Variants in SLC25A26 observed in about 807,000 individuals in gnomAD.
SLC25A26 encodes the protein mitochondrial S-adenosylmethionine carrier protein.
In SLC25A26, 36 loss-of-function variants were observed where a neutral mutation model predicts 37.8. The observed-to-expected ratio is 0.95, with a 90% confidence interval of 0.73 to 1.26. The LOEUF is 1.26. SLC25A26 is among the 50% of genes most tolerant of loss of function. The pLI, the probability that SLC25A26 is intolerant of heterozygous loss-of-function variation, is 0.00. For missense variants in SLC25A26, 390 were observed against 331.1 expected (o/e 1.18, Z -1.38); for synonymous variants, 129 against 122.5 (o/e 1.05, Z -0.35).
intron 1 of SLC25A26, among the ~76,000 whole-genome samples, chr3:66,228,291 A>G (rs146361268): frequency 2.8e-4 from 42 of 151,910 alleles, no homozygotes; most frequent in African/African-American, 9.4e-4. Flanking sequence ...TTCTTTTTTC[A>G]TTTTTCTTTC....
intron 6 of SLC25A26, among the ~76,000 whole-genome samples, chr3:66,355,151 T>C (rs922918759): frequency 2.6e-5 from 4 of 152,108 alleles, no homozygotes; most frequent in Admixed American, 1.3e-4. Context: ...ACCTAAATAT[T>C]ACTAAGCAAA....
At chr3:66,324,429 A>G (rs947199381) in intron 5 of SLC25A26, among the ~76,000 whole-genome samples, 3 of 152,116 alleles carry the variant, frequency 2.0e-5, no homozygotes, top group African/African-American at 7.2e-5. Flanking sequence ...CTTGAACACC[A>G]GTCTTAGGTC....
chr3:66,284,918 G>A (rs2074460052), intron 5 of SLC25A26, among the ~76,000 whole-genome samples: 1 of 151,952 alleles, frequency 6.6e-6, no homozygotes, highest in South Asian at 2.1e-4. Context: ...CAACATAAAA[G>A]GATAGGAAAG....
intron 5 of SLC25A26, among the ~76,000 whole-genome samples, chr3:66,269,896 C>G (rs939061172): frequency 1.3e-5 from 2 of 152,126 alleles, no homozygotes; most frequent in African/African-American, 4.8e-5. Context: ...TGTAAATCCT[C>G]TTGAAAACAG....
intron 1 of SLC25A26, among the ~76,000 whole-genome samples, chr3:66,143,742 G>C (rs1209450928): frequency 6.6e-6 from 1 of 152,066 alleles, no homozygotes; most frequent in South Asian, 2.1e-4. Flanking sequence ...AAATTAGCTG[G>C]GGGTGGTGGT....
intron 5 of SLC25A26, among the ~76,000 whole-genome samples, chr3:66,312,263 C>A (rs377069927): frequency 6.6e-6 from 1 of 152,160 alleles, no homozygotes; most frequent in East Asian, 1.9e-4. Flanking sequence ...CGAACTTCGC[C>A]GCAGCTTTGT....
At chr3:66,197,474 G>A (rs1359233724) in intron 1 of SLC25A26, among the ~76,000 whole-genome samples, 2 of 152,162 alleles carry the variant, frequency 1.3e-5, no homozygotes, top group Non-Finnish European at 2.9e-5. Flanking sequence ...AACATCAGGT[G>A]AGGGTCAGTA....
chr3:66,319,498 A>G (rs764114357), intron 5 of SLC25A26, among the ~76,000 whole-genome samples: 2 of 152,140 alleles, frequency 1.3e-5, no homozygotes, highest in Non-Finnish European at 2.9e-5. Context: ...TACCTTTGAA[A>G]CAGAGTTGCT....
rs1390554536 is a variant in SLC25A26 at position 66,190,156 on chromosome 3, T to G, written c.-353-30586T>G. Reference sequence around the variant, plus strand: ...GTGAAAAGCCATCTACAAAAACTAATTTTAAAAAATTAGCCAAATATGGCG... The same window carrying G: ...GTGAAAAGCCATCTACAAAAACTAAGTTTAAAAAATTAGCCAAATATGGCG... On this transcript the variant is annotated intron_variant, in intron 1 of 10. Transcript: ENST00000676754. 3.3e-5 allele frequency among the ~76,000 whole-genome samples: 5 copies of G among 151,956 alleles called. 1 individual carries two copies. Among genetic ancestry groups the G allele is most frequent in the Middle Eastern group, 6.3e-3 (2 of 316 alleles).
intron 3 of SLC25A26, among the ~76,000 whole-genome samples, chr3:66,253,831 ATG>A (rs2073192078): frequency 1.3e-5 from 2 of 152,156 alleles, no homozygotes; most frequent in Admixed American, 1.3e-4. Context: ...CATCCATGGG[ATG>A]TTTGTCACCT....
At chr3:66,346,917 C>T (rs1288080086) in intron 6 of SLC25A26, among the ~76,000 whole-genome samples, 3 of 151,982 alleles carry the variant, frequency 2.0e-5, no homozygotes, top group African/African-American at 4.8e-5. Context: ...CTGTCCCTTC[C>T]GTCTTGGTTG....
intron 1 of SLC25A26, among the ~76,000 whole-genome samples, chr3:66,232,707 C>T (rs1048635340): frequency 7.2e-5 from 11 of 152,122 alleles, no homozygotes; most frequent in East Asian, 1.9e-4. Context: ...GCACATAGTG[C>T]GAGTTTTGGG....
At chr3:66,313,185 T>C (rs1198702973) in intron 5 of SLC25A26, among the ~76,000 whole-genome samples, 1 of 152,214 alleles carries the variant, frequency 6.6e-6, no homozygotes, top group Non-Finnish European at 1.5e-5. Context: ...GGCGATTTTG[T>C]GATGAAACTT....
intron 1 of SLC25A26, among the ~76,000 whole-genome samples, chr3:66,140,688 T>C (rs536120761): frequency 1.1e-4 from 17 of 152,324 alleles, no homozygotes; most frequent in Admixed American, 3.3e-4. Context: ...TATCGGCACC[T>C]GTCTTTTTAA....
chr3:66,262,235 AAGAGCCTTAGAGAAAACTTT>A (rs2073559810), intron 4 of SLC25A26, 80 bp downstream of exon 4: 1 of 708,776 alleles, frequency 1.4e-6, no homozygotes, highest in Non-Finnish European at 2.2e-6. Context: ...ATTTCATCCT[AAGAGCCTTAGAGAAAACTTT>A]AGAGCTAAAT....
chr3:66,236,346 A>G (rs1242365231), intron 1 of SLC25A26, among the ~76,000 whole-genome samples, 198 bp from the exon 2 acceptor site: 1 of 151,834 alleles, frequency 6.6e-6, no homozygotes, highest in Non-Finnish European at 1.5e-5. Context: ...ACTTAAAAAT[A>G]TAGCACAATA....
At chr3:66,184,337 C>T (rs1215502575) in intron 1 of SLC25A26, among the ~76,000 whole-genome samples, 10 of 152,016 alleles carry the variant, frequency 6.6e-5, no homozygotes, top group Admixed American at 3.3e-4. Context: ...TTACCCTCAC[C>T]CTGATATGAA....
At chr3:66,257,061 G>C (rs1476287222) in intron 3 of SLC25A26, among the ~76,000 whole-genome samples, 1 of 151,944 alleles carries the variant, frequency 6.6e-6, no homozygotes, top group Admixed American at 6.6e-5. Flanking sequence ...TTGCTGTCAG[G>C]GTGCTTACAA....
chr3:66,250,845 C>T (rs1221758462), intron 3 of SLC25A26, among the ~76,000 whole-genome samples: 2 of 152,072 alleles, frequency 1.3e-5, no homozygotes, highest in Non-Finnish European at 2.9e-5. Flanking sequence ...AAAAATTGTG[C>T]ATCTATTTAA....
Sources: gnomAD v4.1 joint callset for allele counts (sites outside exome capture counted in the v4.1 genomes callset) on GRCh38, gnomAD v4.1.1 for gene constraint, MANE v1.5 for transcripts, NCBI Gene and HGNC (gene_info 2026-07-23, HGNC 2026-07-21) for gene names.